The following FMN2 variants were observed in gnomAD, a reference collection of about 807,000 sequenced individuals.
FMN2 encodes the protein formin-2.
FMN2 carries 51 observed loss-of-function variants against 142.3 expected under a neutral mutation model. That is an observed-to-expected ratio of 0.36 (90% CI 0.29 to 0.45). The LOEUF (loss-of-function observed/expected upper bound fraction) is 0.45. Among genes scored for constraint, FMN2 ranks in the 20% least tolerant of loss-of-function variants. The pLI, the probability that FMN2 is intolerant of heterozygous loss-of-function variation, is 1.00. For missense variants in FMN2, 1,936 were observed against 2,122.8 expected, an observed-to-expected ratio of 0.91 and a Z score of 1.73; for synonymous variants, 882 against 869.8, an observed-to-expected ratio of 1.01 and a Z score of -0.25.
intron 6 of FMN2, among the ~76,000 whole-genome samples, chr1:240,240,700 A>G (rs920731574): frequency 1.3e-5 from 2 of 152,202 alleles, no homozygotes; most frequent in African/African-American, 4.8e-5. Flanking sequence ...CTGAATTCTA[A>G]GTGCTGAAAA....
At chr1:240,170,901 G>A in intron 2 of FMN2, 1 of 797,642 alleles carries the variant, frequency 1.3e-6, no homozygotes, top group Non-Finnish European at 2.3e-6. Flanking sequence ...TGAACCGTCA[G>A]GATTTTAGTC....
chr1:240,105,100 C>CTTTTTTTTT (rs57841541), intron 1 of FMN2, among the ~76,000 whole-genome samples: 2 of 72,986 alleles, frequency 2.7e-5, no homozygotes, highest in African/African-American at 5.3e-5. Flanking sequence ...GTTTATGCTT[C>CTTTTTTTTT]TTTTTTTTTT....
At chr1:240,123,663 A>G (rs1408342799) in intron 2 of FMN2, among the ~76,000 whole-genome samples, 1 of 152,212 alleles carries the variant, frequency 6.6e-6, no homozygotes, top group African/African-American at 2.4e-5. Context: ...TTGTGGTAAA[A>G]TACAGACAAC....
At position 240,249,086 on chromosome 1, in the gene FMN2, GA is replaced by G. The variant is rs1442419572; in HGVS notation, c.4066-8857del. On this transcript the variant is annotated intron_variant, in intron 6 of 17. Coordinates refer to ENST00000319653, the MANE Select transcript of FMN2 (RefSeq NM_020066.5). Reference sequence around the variant, plus strand: ...CTGTTGATTGTTTTTTTGCTGTCCAGAAGCTTTTTAGCTCAAAATAGTCCCA... The same window carrying G: ...CTGTTGATTGTTTTTTTGCTGTCCAGAGCTTTTTAGCTCAAAATAGTCCCA... Among the ~76,000 whole-genome samples, 14 of 152,018 alleles carry G rather than the reference GA, an allele frequency of 9.2e-5. 1 individual carries two copies. The highest frequency in any genetic ancestry group is 9.2e-4 in the Admixed American group (14 of 15,258).
At chr1:240,317,934 A>G (rs893821231) in intron 8 of FMN2, among the ~76,000 whole-genome samples, 6 of 152,160 alleles carry the variant, frequency 3.9e-5, no homozygotes, top group Non-Finnish European at 7.4e-5. Context: ...AGCTGTTACA[A>G]TAGATTTGTA....
chr1:240,173,306 C>A (rs969258965), intron 2 of FMN2, among the ~76,000 whole-genome samples: 1 of 151,770 alleles, frequency 6.6e-6, no homozygotes, highest in Non-Finnish European at 1.5e-5. Flanking sequence ...CTGTGTCCAC[C>A]CTTCTCATCC....
chr1:240,328,949 A>G, intron 8 of FMN2, 127 bp from the exon 9 acceptor site: 1 of 812,750 alleles, frequency 1.2e-6, no homozygotes, highest in Non-Finnish European at 1.9e-6. Context: ...TACAGATGCT[A>G]AGAAACATGA....
chr1:240,434,555 G>GTTTTTTTTT (rs57596533), intron 15 of FMN2, among the ~76,000 whole-genome samples: 5 of 148,168 alleles, frequency 3.4e-5, no homozygotes, highest in Admixed American at 6.7e-5. Flanking sequence ...TTTGTTTTTT[G>GTTTTTTTTT]TTTTTTTTTG....
intron 3 of FMN2, among the ~76,000 whole-genome samples, chr1:240,181,742 T>C (rs1162754978): frequency 6.6e-6 from 1 of 152,100 alleles, no homozygotes; most frequent in Non-Finnish European, 1.5e-5. Context: ...ATTAAACAAA[T>C]AAAAAACCCA....
At chr1:240,117,230 A>G (rs1662059296) in intron 1 of FMN2, among the ~76,000 whole-genome samples, 1 of 152,220 alleles carries the variant, frequency 6.6e-6, no homozygotes. Flanking sequence ...TCAGTAAATC[A>G]TTTGACAATA....
intron 8 of FMN2, among the ~76,000 whole-genome samples, chr1:240,316,733 T>C (rs1670794920): frequency 6.6e-6 from 1 of 152,178 alleles, no homozygotes. Flanking sequence ...GTTTTTTTTC[T>C]TTCAAGTTTT....
intron 2 of FMN2, among the ~76,000 whole-genome samples, chr1:240,127,815 G>C (rs1432203967): frequency 1.3e-5 from 2 of 152,166 alleles, no homozygotes; most frequent in African/African-American, 4.8e-5. Flanking sequence ...GTGTAGGCAG[G>C]CACAGAAGTA....
At chr1:240,094,875 G>A (rs934008163) in intron 1 of FMN2, among the ~76,000 whole-genome samples, 54 of 152,100 alleles carry the variant, frequency 3.6e-4, no homozygotes, top group African/African-American at 1.3e-3. Context: ...CTAAATGCTG[G>A]TAATATTGGG....
intron 16 of FMN2, among the ~76,000 whole-genome samples, chr1:240,441,316 T>C (rs1675609885): frequency 6.6e-6 from 1 of 152,070 alleles, no homozygotes; most frequent in South Asian, 2.1e-4. Flanking sequence ...ATATTTTCTA[T>C]AGTTAAATGG....
chr1:240,152,314 A>AG (rs1639338347), intron 2 of FMN2, among the ~76,000 whole-genome samples: 1 of 151,502 alleles, frequency 6.6e-6, no homozygotes, highest in African/African-American at 2.4e-5. Context: ...TTTAAAAAAA[A>AG]AAAAGAAAAA....
At chr1:240,396,880 G>T (rs935131684) in intron 15 of FMN2, among the ~76,000 whole-genome samples, 2 of 152,160 alleles carry the variant, frequency 1.3e-5, no homozygotes, top group South Asian at 4.1e-4. Context: ...TTGATTCCAT[G>T]TCTTTGCTAT....
intron 14 of FMN2, among the ~76,000 whole-genome samples, chr1:240,367,269 T>C (rs951607962): frequency 1.3e-5 from 2 of 152,230 alleles, no homozygotes; most frequent in Non-Finnish European, 2.9e-5. Context: ...TTTTAATGAC[T>C]TGTCTTTTAC....
chr1:240,124,770 C>T (rs569715724), intron 2 of FMN2, among the ~76,000 whole-genome samples: 7 of 152,172 alleles, frequency 4.6e-5, no homozygotes, highest in South Asian at 2.1e-4. Context: ...CGAGTTCAAG[C>T]GATTCTCCTG....
intron 13 of FMN2, among the ~76,000 whole-genome samples, chr1:240,346,499 C>T (rs189310406): frequency 7.9e-5 from 12 of 152,092 alleles, no homozygotes; most frequent in East Asian, 3.9e-4. Context: ...TAGGGATAGC[C>T]GGGGGATGAG....
Sources: gnomAD v4.1 joint callset for allele counts (sites outside exome capture counted in the v4.1 genomes callset) on GRCh38, gnomAD v4.1.1 for gene constraint, MANE v1.5 for transcripts, NCBI Gene and HGNC (gene_info 2026-07-23, HGNC 2026-07-21) for gene names.